The following CSRNP3 variants were observed in gnomAD, a reference collection of about 807,000 sequenced individuals.
The protein encoded by CSRNP3 is cysteine and serine rich nuclear protein 3, also known as cysteine/serine-rich nuclear protein 3.
A neutral mutation model predicts 48.0 loss-of-function variants in CSRNP3; 12 were observed. That is an observed-to-expected ratio of 0.25 (90% CI 0.16 to 0.41). The LOEUF (loss-of-function observed/expected upper bound fraction) is 0.41. CSRNP3 is among the 10% of genes least tolerant of loss of function. CSRNP3 has a pLI of 1.00. For synonymous variants in CSRNP3, 263 were observed against 269.7 expected, an observed-to-expected ratio of 0.98 and a Z score of 0.24; for missense variants, 580 against 724.4, an observed-to-expected ratio of 0.80 and a Z score of 2.29.
intron 2 of CSRNP3, among the ~76,000 whole-genome samples, chr2:165,502,629 A>G (rs554043194): frequency 2.0e-5 from 3 of 152,082 alleles, no homozygotes; most frequent in African/African-American, 7.2e-5. Context: ...AAGTGAGTGC[A>G]TATTTCCTCA....
intron 3 of CSRNP3, among the ~76,000 whole-genome samples, chr2:165,557,584 G>A (rs915699942): frequency 6.6e-6 from 1 of 152,306 alleles, no homozygotes; most frequent in Non-Finnish European, 1.5e-5. Flanking sequence ...TGTTGGTGCT[G>A]GAGGAGAAAG....
intron 3 of CSRNP3, among the ~76,000 whole-genome samples, chr2:165,533,648 A>G (rs1216831694): frequency 6.6e-6 from 1 of 152,054 alleles, no homozygotes; most frequent in African/African-American, 2.4e-5. Context: ...TATTGAAAGG[A>G]CACAAGAATT....
intron 3 of CSRNP3, among the ~76,000 whole-genome samples, chr2:165,569,640 A>C (rs562510173): frequency 6.6e-6 from 1 of 152,012 alleles, no homozygotes; most frequent in African/African-American, 2.4e-5. Flanking sequence ...TAAAGCTATG[A>C]TCTTGTGTTT....
intron 1 of CSRNP3, among the ~76,000 whole-genome samples, chr2:165,470,121 T>C (rs2105441383): frequency 6.6e-6 from 1 of 152,234 alleles, no homozygotes; most frequent in African/African-American, 2.4e-5. Context: ...ATTCCACAGG[T>C]CCTGAGAAAA....
At position 165,676,350 on chromosome 2, in the gene CSRNP3, C is replaced by T; in HGVS notation, c.447C>T (p.Ser149=). ...GCACAGTAGAATCAGAAGAAGCCAGCACTCTTACACTGGATGACATTTCTG... is the reference window on the plus strand; with the variant it reads ...GCACAGTAGAATCAGAAGAAGCCAGTACTCTTACACTGGATGACATTTCTG... The part of the protein sequence containing the change: ...KNGTVESEEA[S]TLTLDDISDD... Residue 149 remains serine (S), a synonymous_variant, in exon 6 of 7, where the codon AGC becomes AGT. Transcript: ENST00000651982. The T allele has an allele frequency of 6.2e-7, 1 of 1,614,014 alleles. No homozygotes were observed. The highest frequency in any genetic ancestry group is 1.1e-5 in the South Asian group (1 of 91,068).
In CSRNP3 at chr2:165,676,546, G is replaced by T; in HGVS notation, c.643G>T (p.Asp215Tyr). 1 of 1,614,168 alleles carries T rather than the reference G, an allele frequency of 6.2e-7. No individual in the cohort carries two copies. The highest frequency in any genetic ancestry group is 1.1e-5 in the South Asian group (1 of 91,074). Residue 215 changes from aspartate (D) to tyrosine (Y), a missense_variant, in exon 6 of 7, where the codon GAC (aspartate) becomes TAC (tyrosine). Transcript: ENST00000651982. Reference protein sequence around the residue: ...IRLSREDCGCDCRVFCDPDTC... With the variant: ...IRLSREDCGCYCRVFCDPDTC... The stretch of plus-strand genomic sequence containing the variant: ...CCTCTCACGAGAGGACTGTGGCTGT[G>T]ACTGCCGAGTGTTCTGTGATCCAGA...
At chr2:165,652,336 C>A (rs890737935) in intron 4 of CSRNP3, among the ~76,000 whole-genome samples, 2 of 151,694 alleles carry the variant, frequency 1.3e-5, no homozygotes, top group Admixed American at 1.3e-4. Context: ...AAGGTGAAAC[C>A]CCCTCTCTAC....
chr2:165,538,088 C>G (rs1321501608), intron 3 of CSRNP3, among the ~76,000 whole-genome samples: 1 of 151,822 alleles, frequency 6.6e-6, no homozygotes, highest in Non-Finnish European at 1.5e-5. Flanking sequence ...ACCCACTGCT[C>G]CAGCAGTACC....
chr2:165,487,236 G>A (rs1684133376), intron 1 of CSRNP3, among the ~76,000 whole-genome samples: 1 of 143,552 alleles, frequency 7.0e-6, no homozygotes, highest in Non-Finnish European at 1.5e-5. Flanking sequence ...AAGAAGGGAA[G>A]TTTAGAGAAA....
intron 4 of CSRNP3, among the ~76,000 whole-genome samples, chr2:165,637,833 A>G (rs1182754143): frequency 2.0e-5 from 3 of 152,196 alleles, no homozygotes; most frequent in Non-Finnish European, 4.4e-5. Flanking sequence ...AAAGTTCAAA[A>G]CAGTGTACAG....
At chr2:165,570,214 A>G (rs899576247) in intron 3 of CSRNP3, among the ~76,000 whole-genome samples, 4 of 151,996 alleles carry the variant, frequency 2.6e-5, no homozygotes, top group African/African-American at 9.7e-5. Context: ...TGGAGAGATT[A>G]TTACCATCCC....
Position 165,526,723 on chromosome 2 carries a change from T to C in CSRNP3, c.-24+8762T>C, listed in dbSNP as rs1188623482. ...AGATACTTCATCAATAAAGTAGGCATAGAGTCTGGCACATTGTAAACACTC... is the reference window on the plus strand; with the variant it reads ...AGATACTTCATCAATAAAGTAGGCACAGAGTCTGGCACATTGTAAACACTC... On this transcript the variant is annotated intron_variant, in intron 3 of 6. Coordinates refer to ENST00000651982, the MANE Select transcript of CSRNP3 (RefSeq NM_001172173.2). Among the ~76,000 whole-genome samples, 6 of 152,176 alleles carry C rather than the reference T, an allele frequency of 3.9e-5. No individual in the cohort carries two copies. The East Asian group carries it at 1.2e-3, about 29-fold the overall frequency.
At chr2:165,593,279 C>A (rs1208622065) in intron 3 of CSRNP3, among the ~76,000 whole-genome samples, 1 of 152,100 alleles carries the variant, frequency 6.6e-6, no homozygotes, top group Non-Finnish European at 1.5e-5. Flanking sequence ...TATGTGACCA[C>A]ATCCAAGAAA....
At chr2:165,479,982 G>C (rs1036906228) in intron 1 of CSRNP3, among the ~76,000 whole-genome samples, 1 of 151,990 alleles carries the variant, frequency 6.6e-6, no homozygotes, top group South Asian at 2.1e-4. Context: ...ACTCTTATCT[G>C]GTCACTCTGG....
chr2:165,600,423 AT>A (rs1685895185), intron 4 of CSRNP3, among the ~76,000 whole-genome samples: 2 of 152,080 alleles, frequency 1.3e-5, no homozygotes, highest in Non-Finnish European at 2.9e-5. Context: ...TAGCAGCATG[AT>A]TTATAGTCCT....
rs184279839 is a variant in CSRNP3, at chr2:165,482,381, A to G, written c.-282-12378A>G. ...TGAGTCCAAGCGATTCTTGTGCCTC[A>G]GCCTCCTGAGTAGCTGGGACTACAG... On this transcript the variant is annotated intron_variant, in intron 1 of 6. Transcript: ENST00000651982. Among the ~76,000 whole-genome samples, 3 of 151,802 alleles carry G rather than the reference A, an allele frequency of 2.0e-5. No homozygotes were observed. In the East Asian group the frequency reaches 5.9e-4, roughly 30 times the overall value.
At chr2:165,664,492 G>T (rs998727393) in intron 5 of CSRNP3, among the ~76,000 whole-genome samples, 1 of 152,130 alleles carries the variant, frequency 6.6e-6, no homozygotes, top group South Asian at 2.1e-4. Context: ...CCTATTTTCC[G>T]AATTCTGGCT....
chr2:165,507,923 C>CCTG (rs1684450244), intron 2 of CSRNP3, among the ~76,000 whole-genome samples: 2 of 152,004 alleles, frequency 1.3e-5, no homozygotes, highest in African/African-American at 4.8e-5. Context: ...CCCTAGCAAC[C>CCTG]ATTCAAGAGC....
chr2:165,563,296 C>A (rs1685257398), intron 3 of CSRNP3, among the ~76,000 whole-genome samples: 1 of 152,102 alleles, frequency 6.6e-6, no homozygotes, highest in Admixed American at 6.6e-5. Flanking sequence ...GGAGTATGCA[C>A]CTGTAACGAT....
Sources: gnomAD v4.1 joint callset for allele counts (sites outside exome capture counted in the v4.1 genomes callset) on GRCh38, gnomAD v4.1.1 for gene constraint, MANE v1.5 for transcripts, NCBI Gene and HGNC (gene_info 2026-07-23, HGNC 2026-07-21) for gene names.